The following BTRC variants were observed in gnomAD, a reference collection of about 807,000 sequenced individuals.
BTRC encodes the protein beta-transducin repeat containing E3 ubiquitin protein ligase, also known as F-box/WD repeat-containing protein 1A.
BTRC carries 42 observed loss-of-function variants against 85.5 expected under a neutral mutation model. The ratio of observed to expected loss-of-function variants is 0.49; its 90% CI spans 0.38 to 0.64. The LOEUF (loss-of-function observed/expected upper bound fraction) is 0.64, where lower values mean the gene tolerates loss of function less well. Among genes scored for constraint, BTRC ranks in the 30% least tolerant of loss-of-function variants. The pLI, the probability that BTRC is intolerant of heterozygous loss-of-function variation, is 0.00. For synonymous variants in BTRC, 255 were observed against 263.3 expected, an observed-to-expected ratio of 0.97 and a Z score of 0.30; for missense variants, 594 against 743.5, an observed-to-expected ratio of 0.80 and a Z score of 2.34.
intron 1 of BTRC, among the ~76,000 whole-genome samples, chr10:101,420,846 A>G (rs1245495058): frequency 6.6e-6 from 1 of 152,010 alleles, no homozygotes; most frequent in African/African-American, 2.4e-5. Flanking sequence ...GAGAGGTATC[A>G]GTTAAATTTT....
At chr10:101,392,335 G>A (rs1426595912) in intron 1 of BTRC, among the ~76,000 whole-genome samples, 1 of 152,160 alleles carries the variant, frequency 6.6e-6, no homozygotes, top group Non-Finnish European at 1.5e-5. Flanking sequence ...CAAAGAGAAT[G>A]AATGAGGGAA....
chr10:101,521,702 T>C lies in BTRC; in HGVS notation c.388T>C (p.Tyr130His). Reference protein sequence around the residue: ...VPKQRKLSASYEKEKELCVKY... With the variant: ...VPKQRKLSASHEKEKELCVKY... ...CAAGCAACGGAAACTCTCAGCAAGC[T>C]ATGAAAAGGAAAAGGAACTGTGTGT... Residue 130 changes from tyrosine to histidine, a missense_variant, in exon 5 of 15, where the codon TAT becomes CAT. Tyr to His is a moderately conservative substitution (Grantham distance 83). Coordinates refer to ENST00000370187, the MANE Select transcript of BTRC (RefSeq NM_033637.4). 2 of 1,614,192 alleles carry C rather than the reference T, an allele frequency of 1.2e-6. No homozygotes were observed. The highest frequency in any genetic ancestry group is 1.3e-5 in the African/African-American group (1 of 75,048).
In BTRC at chr10:101,554,247, AG is replaced by A. The variant is rs761654945; in HGVS notation, c.*1125del. The A allele has an allele frequency of 3.3e-5, 5 of 152,238 alleles. No individual in the cohort carries two copies. The East Asian group carries it at 5.8e-4, about 18-fold the overall frequency. The allele number at this position is 152,238 out of a possible 1,614,324, so 9.4% of individuals were successfully genotyped here. On this transcript the variant is annotated 3_prime_UTR_variant, in exon 15 of 15. Coordinates refer to ENST00000370187, the MANE Select transcript of BTRC (RefSeq NM_033637.4). The stretch of plus-strand genomic sequence containing the variant: ...AAATCACTGGTAAGGCTCAGCCTAC[AG>A]AAAGATTTGAAATGGCCAGAGCCAA...
intron 2 of BTRC, among the ~76,000 whole-genome samples, chr10:101,444,178 T>G (rs1440347814): frequency 3.3e-5 from 5 of 152,230 alleles, no homozygotes; most frequent in African/African-American, 4.8e-5. Flanking sequence ...CTTAAATGGT[T>G]TTCTCTTGCC....
chr10:101,515,929 G>T (rs2062017342), intron 4 of BTRC, among the ~76,000 whole-genome samples: 1 of 152,114 alleles, frequency 6.6e-6, no homozygotes, highest in South Asian at 2.1e-4. Flanking sequence ...CACTCTCAGG[G>T]TGACTAGTGA....
chr10:101,509,243 A>ATTTTTTTTTTT (rs71016330), intron 4 of BTRC, among the ~76,000 whole-genome samples: 1 of 69,912 alleles, frequency 1.4e-5, no homozygotes, highest in African/African-American at 6.8e-5. Flanking sequence ...GGCAATGTGG[A>ATTTTTTTTTTT]TTTTTTTTTT....
rs1590189825 is a variant in BTRC at position 101,354,550 on chromosome 10, A to C, written c.48+322A>C. The C allele has an allele frequency of 7.9e-6, 3 of 379,778 alleles. No homozygotes were observed. The South Asian group carries it at 1.3e-4, about 17-fold the overall frequency. The allele number at this position is 379,778 out of a possible 1,614,324, so 23.5% of individuals were successfully genotyped here. A position where few individuals can be genotyped will look rare whatever the true frequency, so the allele number is the denominator to read the frequency against. ...GGGACTGTTACTGAAAAGCGGAGGA[A>C]GCTCTCTGGAGAAACGCCGTGAGGC... On this transcript the variant is annotated intron_variant, in intron 1 of 14. Coordinates refer to ENST00000370187, the MANE Select transcript of BTRC (RefSeq NM_033637.4).
At chr10:101,386,775 T>G (rs1196729911) in intron 1 of BTRC, among the ~76,000 whole-genome samples, 2 of 152,228 alleles carry the variant, frequency 1.3e-5, no homozygotes, top group Non-Finnish European at 2.9e-5. Context: ...AGCTTGTGTT[T>G]CTTCTACTGA....
intron 1 of BTRC, chr10:101,414,670 T>C: frequency 1.9e-6 from 1 of 518,262 alleles, no homozygotes; most frequent in Non-Finnish European, 3.9e-6. Flanking sequence ...TCCAGTGCCA[T>C]AAGCTATGAA....
intron 4 of BTRC, among the ~76,000 whole-genome samples, chr10:101,491,787 C>T (rs971209727): frequency 2.0e-5 from 3 of 151,678 alleles, no homozygotes; most frequent in Non-Finnish European, 2.9e-5. Flanking sequence ...CTAGATGGTT[C>T]GGTGATTGTG....
intron 7 of BTRC, among the ~76,000 whole-genome samples, chr10:101,531,841 T>A (rs2062286636): frequency 2.0e-5 from 3 of 152,194 alleles, no homozygotes; most frequent in African/African-American, 7.2e-5. Context: ...ATGAGAGAGT[T>A]AAAGAGATTG....
chr10:101,389,603 CA>C (rs1943184605), intron 1 of BTRC, among the ~76,000 whole-genome samples: 1 of 139,530 alleles, frequency 7.2e-6, no homozygotes. Context: ...GGCCTTTTGC[CA>C]AACACCTTTT....
At chr10:101,405,979 ACTT>A (rs1160987761) in intron 1 of BTRC, among the ~76,000 whole-genome samples, 2 of 151,946 alleles carry the variant, frequency 1.3e-5, no homozygotes, top group Non-Finnish European at 1.5e-5. Context: ...TGTGCTTGTC[ACTT>A]CTTTGTTGCT....
At chr10:101,487,507 A>G (rs1014856958) in intron 4 of BTRC, among the ~76,000 whole-genome samples, 1 of 152,136 alleles carries the variant, frequency 6.6e-6, no homozygotes, top group African/African-American at 2.4e-5. Context: ...CTAATGGCTG[A>G]TTTTCATGGC....
chr10:101,530,397 C>T (rs2062262049), intron 6 of BTRC, among the ~76,000 whole-genome samples: 1 of 152,012 alleles, frequency 6.6e-6, no homozygotes, highest in African/African-American at 2.4e-5. Context: ...GCAGCCACCA[C>T]ACCTTACCCT....
At chr10:101,538,410 T>TG (rs1564835344) in intron 13 of BTRC, 39 bp downstream of exon 13, 1 of 1,544,676 alleles carries the variant, frequency 6.5e-7, no homozygotes, top group South Asian at 1.1e-5. Flanking sequence ...GGAGAGCAGG[T>TG]GGGGGAAGAA....
At chr10:101,503,147 A>G (rs561669927) in intron 4 of BTRC, among the ~76,000 whole-genome samples, 2 of 152,188 alleles carry the variant, frequency 1.3e-5, no homozygotes, top group Non-Finnish European at 2.9e-5. Flanking sequence ...ATCAGTGTCA[A>G]ATTATGATTT....
chr10:101,432,338 G>A (rs1329412594), intron 2 of BTRC, among the ~76,000 whole-genome samples: 2 of 151,850 alleles, frequency 1.3e-5, no homozygotes, highest in Non-Finnish European at 2.9e-5. Context: ...ATGTTGTCCA[G>A]GCTGGTATCG....
chr10:101,372,252 CTTTTTCTTTTTCTTTTTT>C (rs1942657399), intron 1 of BTRC, among the ~76,000 whole-genome samples: 1 of 150,832 alleles, frequency 6.6e-6, no homozygotes, highest in Admixed American at 6.6e-5. Context: ...TTTTCTTTTT[CTTTTTCTTTTTCTTTTTT>C]TTTTTAAATG....
Sources: allele counts gnomAD v4.1 joint callset (sites outside exome capture counted in the v4.1 genomes callset), GRCh38; gene constraint gnomAD v4.1.1; transcripts MANE v1.5; gene names NCBI Gene and HGNC (gene_info 2026-07-23, HGNC 2026-07-21).